The following ITGB6 variants were observed in gnomAD, a reference collection of about 807,000 sequenced individuals.
ITGB6 encodes the protein integrin subunit beta 6, also known as integrin beta-6.
A neutral mutation model predicts 84.5 loss-of-function variants in ITGB6; 80 were observed. The observed-to-expected ratio is 0.95, with a 90% CI of 0.79 to 1.14. ITGB6 has a LOEUF of 1.14. Ranked by LOEUF, ITGB6 falls within the 50% of genes most tolerant of loss-of-function variation. The pLI, the probability that ITGB6 is intolerant of heterozygous loss-of-function variation, is 0.00. For synonymous variants in ITGB6, 383 were observed against 354.9 expected, an observed-to-expected ratio of 1.08 and a Z score of -0.89; for missense variants, 1,006 against 968.0, an observed-to-expected ratio of 1.04 and a Z score of -0.52.
chr2:160,197,925 C>G (rs1174393936), intron 2 of ITGB6, among the ~76,000 whole-genome samples: 1 of 152,228 alleles, frequency 6.6e-6, no homozygotes, highest in African/African-American at 2.4e-5. Context: ...ATAACTACTT[C>G]TAATATTAGA....
chr2:160,193,402 T>G (rs761850669), intron 4 of ITGB6, among the ~76,000 whole-genome samples: 1 of 152,190 alleles, frequency 6.6e-6, no homozygotes, highest in Non-Finnish European at 1.5e-5. Context: ...CATTATATAT[T>G]TATATAAAAT....
chr2:160,117,754 C>T lies in ITGB6; in HGVS notation c.1982-5555G>A, dbSNP rs917206361. 2.5e-3 allele frequency among the ~76,000 whole-genome samples: 376 copies of T among 151,966 alleles called. 2 individuals are homozygous for T. The highest frequency in any genetic ancestry group is 8.2e-3 in the African/African-American group (341 of 41,466). On this transcript the variant is annotated intron_variant, in intron 12 of 14. Coordinates refer to ENST00000283249, the MANE Select transcript of ITGB6 (RefSeq NM_000888.5). ...GGTTTTTTGAAAAGATCAACAAAAT[C>T]AATAGACCGCTAGCAAGACTAATAA...
At chr2:160,138,735 A>G (rs915203895) in intron 8 of ITGB6, among the ~76,000 whole-genome samples, 1 of 152,226 alleles carries the variant, frequency 6.6e-6, no homozygotes, top group Non-Finnish European at 1.5e-5. Context: ...TGCTTCATTG[A>G]TAACAAATTT....
intron 13 of ITGB6, among the ~76,000 whole-genome samples, chr2:160,108,621 T>G (rs1467203362): frequency 1.3e-5 from 2 of 152,230 alleles, no homozygotes; most frequent in Admixed American, 1.3e-4. Flanking sequence ...TCTTGCTTAC[T>G]AACACAGCTT....
In ITGB6 at chr2:160,160,672, C is replaced by T. The variant is rs530365687; in HGVS notation, c.1017+8540G>A. ...TGTCAGTTTCACTTGTCCTTTTGTG[C>T]CTTGATGCCATATGTGATTATTTCA... On this transcript the variant is annotated intron_variant, in intron 7 of 14. Transcript: ENST00000283249. 5.4e-4 allele frequency among the ~76,000 whole-genome samples: 82 copies of T among 152,136 alleles called. 1 individual carries two copies. Among genetic ancestry groups the T allele is most frequent in the African/African-American group, 2.0e-3 (81 of 41,498 alleles).
At chr2:160,185,432 C>T (rs1685856140) in intron 4 of ITGB6, among the ~76,000 whole-genome samples, 3 of 152,072 alleles carry the variant, frequency 2.0e-5, no homozygotes, top group African/African-American at 7.2e-5. Flanking sequence ...ATGTGAAGGA[C>T]CTCTTCAAGA....
At chr2:160,185,505 C>T (rs1685858618) in intron 4 of ITGB6, among the ~76,000 whole-genome samples, 1 of 152,206 alleles carries the variant, frequency 6.6e-6, no homozygotes, top group African/African-American at 2.4e-5. Flanking sequence ...ATTCCATGCT[C>T]ATGGATAGGA....
chr2:160,126,162 G>A (rs1465990176), intron 11 of ITGB6, among the ~76,000 whole-genome samples: 2 of 152,180 alleles, frequency 1.3e-5, no homozygotes, highest in Non-Finnish European at 2.9e-5. Context: ...ACGTGACATT[G>A]TGATTCTGGA....
At chr2:160,112,441 A>AT (rs992524401) in intron 12 of ITGB6, among the ~76,000 whole-genome samples, 1 of 152,078 alleles carries the variant, frequency 6.6e-6, no homozygotes, top group Non-Finnish European at 1.5e-5. Flanking sequence ...TATCAAACGG[A>AT]TACGGGCAGG....
rs1384956314 is a variant in ITGB6, at chr2:160,099,955, T to C, written c.*1781A>G. 1.3e-5 allele frequency: 2 copies of C among 152,188 alleles called. No homozygotes were observed. Among genetic ancestry groups the C allele is most frequent in the Non-Finnish European group, 2.9e-5 (2 of 68,036 alleles). 9.4% of individuals were successfully genotyped at this position (152,188 alleles called of 1,614,324 possible). ...CAGTAAGTCCACGTAGAGGAGAGGA[T>C]TGCTGTTGTGTTATCAGCATTGCAA... On this transcript the variant is annotated 3_prime_UTR_variant, in exon 15 of 15. Coordinates refer to ENST00000283249, the MANE Select transcript of ITGB6 (RefSeq NM_000888.5).
intron 7 of ITGB6, among the ~76,000 whole-genome samples, chr2:160,143,246 C>G (rs1684067367): frequency 6.6e-6 from 1 of 152,096 alleles, no homozygotes; most frequent in African/African-American, 2.4e-5. Context: ...TAGGTTGCCA[C>G]TGCACTCCAG....
At chr2:160,125,765 T>C (rs933276024) in intron 11 of ITGB6, among the ~76,000 whole-genome samples, 1 of 152,020 alleles carries the variant, frequency 6.6e-6, no homozygotes, top group Non-Finnish European at 1.5e-5. Flanking sequence ...CCCAATTTCA[T>C]TAAGAAATTG....
At chr2:160,108,214 AGTGTGTGTGTGT>A (rs57363305) in intron 13 of ITGB6, among the ~76,000 whole-genome samples, 30,390 of 142,736 alleles carry the variant, frequency 0.21, 3,616 homozygotes, top group East Asian at 0.31. Flanking sequence ...GCAGAAATGG[AGTGTGTGTGTGT>A]GTGTGTGTGT....
chr2:160,137,493 C>T lies in ITGB6; in HGVS notation c.1601G>A (p.Gly534Glu), dbSNP rs1373720934. The T allele has an allele frequency of 1.9e-6, 3 of 1,614,012 alleles. No homozygotes were observed. In the Admixed American group the frequency reaches 5.0e-5, roughly 27 times the overall value. ...GAAATTGTCACACTGGCAATAAGGC[C>T]CATAAATGTTTCCATAGGGAGACAA... ...CHLSPYGNIYGPYCQCDNFSC... is the reference protein window; with the variant it reads ...CHLSPYGNIYEPYCQCDNFSC... The change falls in exon 10 of 15, where the codon GGG becomes GAG. Residue 534 changes from glycine (G) to glutamate (E), a missense_variant. Transcript: ENST00000283249.
chr2:160,128,623 C>A (rs1683331036), intron 10 of ITGB6, among the ~76,000 whole-genome samples: 1 of 152,048 alleles, frequency 6.6e-6, no homozygotes, highest in South Asian at 2.1e-4. Flanking sequence ...GAATGGAATG[C>A]TCAGGGTGTG....
At chr2:160,122,205 G>T (rs1683069612) in intron 12 of ITGB6, among the ~76,000 whole-genome samples, 1 of 151,676 alleles carries the variant, frequency 6.6e-6, no homozygotes, top group Admixed American at 6.6e-5. Flanking sequence ...TCCCTATTTT[G>T]AAATAATTTA....
chr2:160,170,548 CCA>C (rs1223019406), intron 6 of ITGB6, among the ~76,000 whole-genome samples: 10 of 152,332 alleles, frequency 6.6e-5, no homozygotes, highest in African/African-American at 2.4e-4. Flanking sequence ...CAGGATCACA[CCA>C]CATAGTCCTT....
Position 160,199,230 on chromosome 2 carries a change from G to C in ITGB6, c.90C>G (p.Thr30=). The C allele has an allele frequency of 5.0e-6, 8 of 1,614,128 alleles. No individual in the cohort carries two copies. The highest frequency in any genetic ancestry group is 6.8e-6 in the Non-Finnish European group (8 of 1,179,994). ...GTCCAATAAGCAGGCAGTCTTCACA[G>C]GTTTCTGCACCTCCCAGGGCACAGC... ...QGGCALGGAE[T]CEDCLLIGPQ... The change falls in exon 2 of 15, where the codon ACC becomes ACG. Residue 30 remains threonine, a synonymous_variant. Coordinates refer to ENST00000283249, the MANE Select transcript of ITGB6 (RefSeq NM_000888.5).
chr2:160,194,298 TAG>T (rs1468006356), intron 4 of ITGB6, among the ~76,000 whole-genome samples: 1 of 152,194 alleles, frequency 6.6e-6, no homozygotes, highest in African/African-American at 2.4e-5. Context: ...TTTATTATGT[TAG>T]ATTGTAGTTG....
Sources: allele counts gnomAD v4.1 joint callset (sites outside exome capture counted in the v4.1 genomes callset), GRCh38; gene constraint gnomAD v4.1.1; transcripts MANE v1.5; gene names NCBI Gene and HGNC (gene_info 2026-07-23, HGNC 2026-07-21).